ABCG1: variants seen among roughly 807,000 people sequenced by gnomAD.
The protein encoded by ABCG1 is ATP binding cassette subfamily G member 1.
A neutral mutation model predicts 69.2 loss-of-function variants in ABCG1; 29 were observed. That is an observed-to-expected ratio of 0.42 (90% CI 0.31 to 0.57). The LOEUF is 0.57. Among genes scored for constraint, ABCG1 ranks in the 20% least tolerant of loss-of-function variants. ABCG1 has a pLI of 0.15. For missense variants in ABCG1, 718 were observed against 898.1 expected (o/e 0.80, Z 2.56); for synonymous variants, 370 against 374.8 (o/e 0.99, Z 0.15).
chr21:42,250,339 G>A (rs939850436), intron 2 of ABCG1, among the ~76,000 whole-genome samples: 1 of 152,040 alleles, frequency 6.6e-6, no homozygotes, highest in African/African-American at 2.4e-5. Context: ...TTATAGAGGG[G>A]GTGGAAGCCA....
intron 2 of ABCG1, among the ~76,000 whole-genome samples, chr21:42,201,950 C>T (rs2067510022): frequency 6.6e-6 from 1 of 152,184 alleles, no homozygotes; most frequent in Non-Finnish European, 1.5e-5. Context: ...TCCAGGTGCC[C>T]CACCCTGGGG....
upstream of ABCG1, among the ~76,000 whole-genome samples, chr21:42,217,111 T>G (rs1569203351): frequency 6.6e-6 from 1 of 152,138 alleles, no homozygotes; most frequent in Non-Finnish European, 1.5e-5. Context: ...ACACTTCCAG[T>G]TCCGGACCAG....
intron 2 of ABCG1, among the ~76,000 whole-genome samples, chr21:42,245,932 A>G (rs1183987186): frequency 1.3e-5 from 2 of 152,124 alleles, no homozygotes; most frequent in African/African-American, 4.8e-5. Flanking sequence ...GCAGCACAAG[A>G]CCACATGGCC....
upstream of ABCG1, among the ~76,000 whole-genome samples, chr21:42,218,908 G>A (rs57137919): frequency 0.14 from 20,924 of 152,162 alleles, 1,711 homozygotes; most frequent in East Asian, 0.24. Context: ...GCCCCCGCGA[G>A]TTCGGGACCC....
chr21:42,284,768 C>T (rs2068906932), intron 7 of ABCG1, 85 bp downstream of exon 7: 1 of 1,528,926 alleles, frequency 6.5e-7, no homozygotes, highest in African/African-American at 1.6e-5. Context: ...TACCCACTGC[C>T]TTCTGTTAGC....
chr21:42,224,975 G>A (rs1278123983), intron 1 of ABCG1, among the ~76,000 whole-genome samples: 3 of 151,356 alleles, frequency 2.0e-5, no homozygotes, highest in African/African-American at 7.3e-5. Context: ...CAAATTCTGG[G>A]ATAACTTCTG....
At chr21:42,214,450 C>T (rs1415143536), upstream of ABCG1, among the ~76,000 whole-genome samples, 2 of 152,248 alleles carry the variant, frequency 1.3e-5, no homozygotes, top group East Asian at 3.8e-4. Flanking sequence ...CTAAGACACA[C>T]GTACACTCCC....
intron 2 of ABCG1, among the ~76,000 whole-genome samples, chr21:42,204,029 T>C (rs1453515264): frequency 6.6e-6 from 1 of 152,236 alleles, no homozygotes; most frequent in Non-Finnish European, 1.5e-5. Context: ...GTCACGTTTT[T>C]AATTCCAGTG....
chr21:42,282,418 A>C lies in ABCG1; in HGVS notation c.733A>C (p.Ser245Arg). 6.2e-7 allele frequency: 1 copy of C among 1,610,864 alleles called. No homozygotes were observed. Among genetic ancestry groups the C allele is most frequent in the Admixed American group, 1.7e-5 (1 of 59,866 alleles). ...PPVMFFDEPT[S>R]GLDSASCFQV... ...AGTCATGTTCTTCGATGAGCCCACC[A>C]GGTAAGTCAGGAGCATCTGAGCTGG... The change falls in exon 6 of 15, where the codon AGC (serine) becomes CGC (arginine). Residue 245 changes from serine (S) to arginine (R), a missense_variant and splice_region_variant. By Grantham distance (110) the Ser-to-Arg change is moderately radical. Coordinates refer to ENST00000398449, the MANE Select transcript of ABCG1 (RefSeq NM_016818.3).
Position 42,222,700 on chromosome 21 carries a change from G to A in ABCG1, c.43-2971G>A, listed in dbSNP as rs548759607. On this transcript the variant is annotated intron_variant, in intron 1 of 14. Transcript: ENST00000398449. ...CAGCACCCCTGTCCCTGTTAGGGTT[G>A]TGGAGGTAATAAGAGGCATAAACTA... is the stretch of plus-strand genomic sequence containing the variant. Among the ~76,000 whole-genome samples, 52 of 152,326 alleles carry A rather than the reference G, an allele frequency of 3.4e-4. No individual in the cohort carries two copies. In the South Asian group the frequency reaches 7.0e-3, roughly 21 times the overall value.
Position 42,273,716 on chromosome 21 carries a change from G to A in ABCG1, c.537+281G>A, listed in dbSNP as rs969140075. On this transcript the variant is annotated intron_variant, in intron 4 of 14. Transcript: ENST00000398449. This position sits in a 1 kb window ranked among gnomAD's most constrained non-coding sequence, Gnocchi z 5.3. ...AGAAGGTTATTAACCCGGCTGGCTT[G>A]GGTGATCCTCTCCAGGGCAGCCACC... Among the ~76,000 whole-genome samples, 1 of 152,146 alleles carries A rather than the reference G, an allele frequency of 6.6e-6. No homozygotes were observed. The highest frequency in any genetic ancestry group is 2.4e-5 in the African/African-American group (1 of 41,418).
chr21:42,271,900 A>G (rs1248691926), intron 3 of ABCG1, among the ~76,000 whole-genome samples: 2 of 152,212 alleles, frequency 1.3e-5, no homozygotes, highest in Non-Finnish European at 2.9e-5. Flanking sequence ...CACACAAACA[A>G]CAACAACAAC....
chr21:42,233,370 C>A (rs964444305), intron 2 of ABCG1, among the ~76,000 whole-genome samples: 2 of 152,120 alleles, frequency 1.3e-5, no homozygotes, highest in Non-Finnish European at 2.9e-5. Flanking sequence ...GTGGAGGGAG[C>A]CTTCTTGCAC....
At chr21:42,251,498 G>A (rs1337540758) in intron 2 of ABCG1, among the ~76,000 whole-genome samples, 2 of 152,094 alleles carry the variant, frequency 1.3e-5, no homozygotes, top group African/African-American at 2.4e-5. Context: ...CTTGCTTCTT[G>A]GGGCCACAAA....
At chr21:42,267,468 G>A (rs548404216) in intron 2 of ABCG1, among the ~76,000 whole-genome samples, 1 of 151,302 alleles carries the variant, frequency 6.6e-6, no homozygotes, top group African/African-American at 2.4e-5. Context: ...TCTGGTCTGG[G>A]TTCTGTCTGG....
chr21:42,238,690 T>A (rs2068009755), intron 2 of ABCG1, among the ~76,000 whole-genome samples: 1 of 152,214 alleles, frequency 6.6e-6, no homozygotes, highest in Admixed American at 6.5e-5. Context: ...AGAATTTGGC[T>A]CACGGGCGAG....
In ABCG1 at chr21:42,219,252, G is replaced by GC; in HGVS notation, c.-6dup. 6.5e-7 allele frequency: 1 copy of GC among 1,541,510 alleles called. No homozygotes were observed. The highest frequency in any genetic ancestry group is 8.7e-7 in the Non-Finnish European group (1 of 1,152,092). On this transcript the variant is annotated 5_prime_UTR_variant, in exon 1 of 15. Transcript: ENST00000398449. This position sits in a 1 kb window ranked among gnomAD's most constrained non-coding sequence, Gnocchi z 5.3. ...CGCCGCCGCCGCCGCCGCCGCCGCC[G>GC]CCCCCGGGGCATGGCCTGTCTGATG... is the stretch of plus-strand genomic sequence containing the variant.
chr21:42,255,876 T>C (rs1175098728), intron 2 of ABCG1, among the ~76,000 whole-genome samples: 1 of 152,220 alleles, frequency 6.6e-6, no homozygotes, highest in African/African-American at 2.4e-5. Context: ...TCTTAACTGG[T>C]GAGTTCTGCA....
At chr21:42,212,687 G>T (rs1238075444), upstream of ABCG1, among the ~76,000 whole-genome samples, 2 of 151,182 alleles carry the variant, frequency 1.3e-5, no homozygotes, top group African/African-American at 4.9e-5. Flanking sequence ...GAGAAGGGAA[G>T]AAATCAATTA....
Sources: gnomAD v4.1 joint callset for allele counts (sites outside exome capture counted in the v4.1 genomes callset) on GRCh38, gnomAD v4.1.1 for gene constraint, Gnocchi (gnomAD v3.1) non-coding constraint, MANE v1.5 for transcripts, NCBI Gene and HGNC (gene_info 2026-07-23, HGNC 2026-07-21) for gene names.